The following PHF24 variants were observed in gnomAD, a reference collection of about 807,000 sequenced individuals.
PHF24 encodes PHD finger protein 24.
In PHF24, 25 loss-of-function variants were observed where a neutral mutation model predicts 42.6. That is an observed-to-expected ratio of 0.59 (90% CI 0.43 to 0.82). The LOEUF is 0.82. Among genes scored for constraint, PHF24 ranks in the 40% least tolerant of loss-of-function variants. The probability of loss-of-function intolerance (pLI) is 0.00; values close to 1 mark genes in which losing one functional copy is unlikely to be tolerated. For synonymous variants in PHF24, 185 were observed against 204.8 expected, an observed-to-expected ratio of 0.90 and a Z score of 0.83; for missense variants, 470 against 538.1, an observed-to-expected ratio of 0.87 and a Z score of 1.25.
the PHF24 span, among the ~76,000 whole-genome samples, chr9:34,745,079 G>T: frequency 6.6e-6 from 1 of 152,182 alleles, no homozygotes; most frequent in African/African-American, 2.4e-5. Context: ...GAGTGCAGGG[G>T]TGTACTGAGT....
At chr9:34,936,754 G>T in the PHF24 span, among the ~76,000 whole-genome samples, 1 of 150,632 alleles carries the variant, frequency 6.6e-6, no homozygotes, top group Non-Finnish European at 1.5e-5. Context: ...ACCTCTGCCC[G>T]GCCGCGACCC....
the PHF24 span, among the ~76,000 whole-genome samples, chr9:34,735,731 G>A: frequency 4.6e-5 from 7 of 151,792 alleles, no homozygotes; most frequent in African/African-American, 7.3e-5. Flanking sequence ...TCCGGGTAGC[G>A]GAGGTTGCAG....
At chr9:34,668,241 T>G in the PHF24 span, among the ~76,000 whole-genome samples, 1 of 152,166 alleles carries the variant, frequency 6.6e-6, no homozygotes, top group African/African-American at 2.4e-5. Context: ...TCCACCCACA[T>G]GCACTGTTCT....
chr9:34,818,202 C>G, the PHF24 span, among the ~76,000 whole-genome samples: 4 of 151,918 alleles, frequency 2.6e-5, no homozygotes, highest in Non-Finnish European at 4.4e-5. Context: ...CATTGGCTAA[C>G]TTGAGTATTA....
At chr9:34,820,823 A>G in the PHF24 span, among the ~76,000 whole-genome samples, 2 of 152,330 alleles carry the variant, frequency 1.3e-5, no homozygotes, top group African/African-American at 4.8e-5. Context: ...TGCTTTCCAC[A>G]TGGCTCAACT....
chr9:34,897,940 C>CTGAGT, the PHF24 span, among the ~76,000 whole-genome samples: 1 of 152,194 alleles, frequency 6.6e-6, no homozygotes, highest in Non-Finnish European at 1.5e-5. Context: ...TTTTCCGTTC[C>CTGAGT]TGAGTTACTT....
chr9:34,930,225 G>A, the PHF24 span, among the ~76,000 whole-genome samples: 6 of 152,300 alleles, frequency 3.9e-5, no homozygotes, highest in African/African-American at 7.2e-5. Flanking sequence ...AAGTGGTGCC[G>A]AGACTCATGC....
chr9:34,728,012 A>G, the PHF24 span: 1 of 1,551,822 alleles, frequency 6.4e-7, no homozygotes, highest in Non-Finnish European at 8.7e-7. Context: ...TGCAAAGAGC[A>G]ATAGATCACC....
At chr9:34,913,983 T>A in the PHF24 span, among the ~76,000 whole-genome samples, 3 of 151,862 alleles carry the variant, frequency 2.0e-5, no homozygotes, top group Admixed American at 1.3e-4. Flanking sequence ...CTTTCAGAGG[T>A]AGCTGCCACC....
chr9:34,906,381 T>C, the PHF24 span, among the ~76,000 whole-genome samples: 1 of 152,100 alleles, frequency 6.6e-6, no homozygotes, highest in Non-Finnish European at 1.5e-5. Flanking sequence ...ATCTTACACG[T>C]TATACATGGA....
At chr9:34,908,001 C>A in the PHF24 span, among the ~76,000 whole-genome samples, 1 of 152,078 alleles carries the variant, frequency 6.6e-6, no homozygotes. Flanking sequence ...CGCCACCACA[C>A]CTGGCTAATT....
chr9:34,839,994 C>G, the PHF24 span, among the ~76,000 whole-genome samples: 1 of 151,948 alleles, frequency 6.6e-6, no homozygotes, highest in Admixed American at 6.6e-5. Flanking sequence ...ACGCAGAACC[C>G]CAAGGAATGT....
chr9:34,749,859 A>G, the PHF24 span, among the ~76,000 whole-genome samples: 1 of 152,096 alleles, frequency 6.6e-6, no homozygotes, highest in Non-Finnish European at 1.5e-5. Flanking sequence ...CATGTAATGG[A>G]GCTCCAATAT....
chr9:34,762,159 G>A, the PHF24 span, among the ~76,000 whole-genome samples: 3 of 152,044 alleles, frequency 2.0e-5, no homozygotes, highest in South Asian at 4.1e-4. Context: ...ATAAACATAC[G>A]TGTGCATGTG....
At chr9:34,714,056 C>G in the PHF24 span, among the ~76,000 whole-genome samples, 2 of 151,830 alleles carry the variant, frequency 1.3e-5, no homozygotes, top group African/African-American at 4.8e-5. Context: ...ATTCTAAGGT[C>G]CACAGAGTAG....
At chr9:34,797,781 G>A in the PHF24 span, among the ~76,000 whole-genome samples, 1 of 152,044 alleles carries the variant, frequency 6.6e-6, no homozygotes, top group Non-Finnish European at 1.5e-5. Context: ...CGTGGGAAAT[G>A]CAACATTTGG....
At chr9:34,896,432 G>T in the PHF24 span, among the ~76,000 whole-genome samples, 1 of 152,208 alleles carries the variant, frequency 6.6e-6, no homozygotes, top group Non-Finnish European at 1.5e-5. Context: ...TGGGTGAGCA[G>T]AGATTGTAAG....
the PHF24 span, among the ~76,000 whole-genome samples, chr9:34,773,247 C>T: frequency 6.6e-6 from 1 of 152,172 alleles, no homozygotes; most frequent in Non-Finnish European, 1.5e-5. Flanking sequence ...ATCTTGGCCT[C>T]CCAAAGTGCT....
chr9:34,772,977 G>A, the PHF24 span, among the ~76,000 whole-genome samples: 1 of 151,648 alleles, frequency 6.6e-6, no homozygotes, highest in African/African-American at 2.4e-5. Context: ...AGCATATCTA[G>A]CTCTCAGAGT....
Sources: gnomAD v4.1 joint callset for allele counts (sites outside exome capture counted in the v4.1 genomes callset) on GRCh38, gnomAD v4.1.1 for gene constraint, MANE v1.5 for transcripts, NCBI Gene and HGNC (gene_info 2026-07-23, HGNC 2026-07-21) for gene names.